STARD13: variants seen among roughly 807,000 people sequenced by gnomAD.
STARD13 encodes the protein stAR-related lipid transfer protein 13.
STARD13 carries 62 observed loss-of-function variants against 106.4 expected under a neutral mutation model. That is an observed-to-expected ratio of 0.58 (90% CI 0.48 to 0.72). The LOEUF (loss-of-function observed/expected upper bound fraction) is 0.72, where lower values mean the gene tolerates loss of function less well. Among genes scored for constraint, STARD13 ranks in the 30% least tolerant of loss-of-function variants. The probability of loss-of-function intolerance (pLI) is 0.00; values close to 1 mark genes in which losing one functional copy is unlikely to be tolerated. For missense variants in STARD13, 1,387 were observed against 1,424.0 expected (o/e 0.97, Z 0.42); for synonymous variants, 565 against 553.0 (o/e 1.02, Z -0.31).
At chr13:33,395,674 C>A in the STARD13 span, among the ~76,000 whole-genome samples, 1 of 152,050 alleles carries the variant, frequency 6.6e-6, no homozygotes, top group African/African-American at 2.4e-5. Context: ...ATAAGTGAGA[C>A]TATGCTAGAA....
At chr13:33,385,218 A>AATATATATATAT in the STARD13 span, among the ~76,000 whole-genome samples, 121 of 33,558 alleles carry the variant, frequency 3.6e-3, 2 homozygotes, top group East Asian at 6.1e-3. Flanking sequence ...AAAGGTTCGG[A>AATATATATATAT]ATATATATAT....
Position 33,215,651 on chromosome 13 carries a change from G to A in STARD13, c.170-48029C>T, listed in dbSNP as rs7995262. 6.4e-3 allele frequency among the ~76,000 whole-genome samples: 976 copies of A among 152,244 alleles called. 12 individuals are homozygous for A. Among genetic ancestry groups the A allele is most frequent in the African/African-American group, 0.022 (926 of 41,534 alleles). ...ACTGGAGTGGGGACTAGAACAAGCA[G>A]AGAAATCTCATTTTCTAGGCATCTT... On this transcript the variant is annotated intron_variant, in intron 1 of 13. Coordinates refer to ENST00000336934, the MANE Select transcript of STARD13 (RefSeq NM_178006.4).
At chr13:33,185,656 A>G (rs972649421) in intron 1 of STARD13, among the ~76,000 whole-genome samples, 1 of 152,106 alleles carries the variant, frequency 6.6e-6, no homozygotes, top group African/African-American at 2.4e-5. Flanking sequence ...TCTGTTCCCT[A>G]TAGGCAATTT....
At chr13:33,473,583 C>A in the STARD13 span, among the ~76,000 whole-genome samples, 1 of 152,162 alleles carries the variant, frequency 6.6e-6, no homozygotes, top group African/African-American at 2.4e-5. Context: ...AGGAAATGAA[C>A]CCAGACCAAA....
chr13:33,245,345 G>A (rs939005653), intron 1 of STARD13, among the ~76,000 whole-genome samples: 3 of 152,188 alleles, frequency 2.0e-5, no homozygotes, highest in African/African-American at 7.2e-5. Context: ...ATCTTCATCC[G>A]CACTTACATT....
intron 1 of STARD13, among the ~76,000 whole-genome samples, chr13:33,248,757 T>G (rs978592785): frequency 1.3e-5 from 2 of 152,250 alleles, no homozygotes; most frequent in African/African-American, 4.8e-5. Flanking sequence ...CTCACCATTA[T>G]CCTTTCCCTT....
the STARD13 span, among the ~76,000 whole-genome samples, chr13:33,560,585 A>ATTTTGTTTG: frequency 1.3e-5 from 2 of 151,438 alleles, no homozygotes; most frequent in African/African-American, 4.9e-5. Context: ...CATTGTTGCA[A>ATTTTGTTTG]AATGAATTTG....
At chr13:33,551,566 TCC>T in the STARD13 span, among the ~76,000 whole-genome samples, 6 of 32,766 alleles carry the variant, frequency 1.8e-4, no homozygotes, top group Admixed American at 2.5e-4. Flanking sequence ...CTTTTGCTTT[TCC>T]CTTTTTTTTT....
At chr13:33,498,650 C>A in the STARD13 span, among the ~76,000 whole-genome samples, 1 of 152,004 alleles carries the variant, frequency 6.6e-6, no homozygotes. Flanking sequence ...ACAAATATTT[C>A]TTGTATTAAA....
the STARD13 span, among the ~76,000 whole-genome samples, chr13:33,404,772 A>C: frequency 1.4e-5 from 2 of 140,830 alleles, no homozygotes; most frequent in Non-Finnish European, 3.1e-5. Flanking sequence ...CACCTCTGGG[A>C]CTTTTTTTTT....
At chr13:33,271,333 CA>C (rs1891147509) in intron 1 of STARD13, 2 of 152,258 alleles carry the variant, frequency 1.3e-5, no homozygotes, top group Non-Finnish European at 2.9e-5. Context: ...AGGTCTTACC[CA>C]ATTCCCACCT....
At chr13:33,163,686 T>TATATATATAATATATATATAAAAC (rs1566038812) in intron 3 of STARD13, among the ~76,000 whole-genome samples, 1 of 64,872 alleles carries the variant, frequency 1.5e-5, no homozygotes, top group African/African-American at 7.3e-5. Flanking sequence ...ATATAAAACA[T>TATATATATAATATATATATAAAAC]ATATATATAT....
chr13:33,105,333 G>C lies in STARD13; in HGVS notation c.*260C>G, dbSNP rs1204541437. On this transcript the variant is annotated 3_prime_UTR_variant, in exon 14 of 14. Coordinates refer to ENST00000336934, the MANE Select transcript of STARD13 (RefSeq NM_178006.4). ...CAAATTAGGCAATGCACAAGGAATA[G>C]TCCATTTAATTTTAAGTAATATATA... 2.4e-6 allele frequency: 1 copy of C among 424,622 alleles called. No individual in the cohort carries two copies. The highest frequency in any genetic ancestry group is 4.3e-6 in the Non-Finnish European group (1 of 235,216). 26.3% of individuals were successfully genotyped at this position (424,622 alleles called of 1,614,324 possible). A position where few individuals can be genotyped will look rare whatever the true frequency, so the allele number is the denominator to read the frequency against.
intron 1 of STARD13, among the ~76,000 whole-genome samples, chr13:33,192,677 T>C (rs1594082872): frequency 6.6e-6 from 1 of 152,268 alleles, no homozygotes; most frequent in Admixed American, 6.5e-5. Flanking sequence ...GGTGGGCGGA[T>C]CACCTGAGGT....
the STARD13 span, among the ~76,000 whole-genome samples, chr13:33,370,915 C>T: frequency 1.3e-5 from 2 of 152,050 alleles, no homozygotes; most frequent in Non-Finnish European, 2.9e-5. Context: ...GCAACCGCTC[C>T]CAGCCACTTT....
chr13:33,228,899 A>C (rs974709558), intron 1 of STARD13, among the ~76,000 whole-genome samples: 12 of 152,272 alleles, frequency 7.9e-5, no homozygotes, highest in African/African-American at 2.9e-4. Flanking sequence ...ATTGTGGATA[A>C]AATAATCAAA....
At chr13:33,238,984 C>T (rs1473294498) in intron 1 of STARD13, among the ~76,000 whole-genome samples, 11 of 151,990 alleles carry the variant, frequency 7.2e-5, no homozygotes, top group Admixed American at 5.9e-4. Flanking sequence ...TCTTTTTCAT[C>T]TTGCAAAACT....
At chr13:33,506,224 C>A in the STARD13 span, among the ~76,000 whole-genome samples, 153 of 152,254 alleles carry the variant, frequency 1.0e-3, no homozygotes, top group African/African-American at 3.5e-3. Context: ...ACTTTCCTTG[C>A]ATTTTGCAAG....
At chr13:33,138,429 T>TC (rs1879349626) in intron 4 of STARD13, 1 of 134,454 alleles carries the variant, frequency 7.4e-6, no homozygotes, top group African/African-American at 2.7e-5. Context: ...TTTTTTTTTT[T>TC]CTAAAAATGA....
Sources: gnomAD v4.1 joint callset for allele counts (sites outside exome capture counted in the v4.1 genomes callset) on GRCh38, gnomAD v4.1.1 for gene constraint, MANE v1.5 for transcripts, NCBI Gene and HGNC (gene_info 2026-07-23, HGNC 2026-07-21) for gene names.